Variants in KCNAB1 observed in about 807,000 individuals in gnomAD.
The protein encoded by KCNAB1 is potassium voltage-gated channel subfamily A regulatory beta subunit 1.
A neutral mutation model predicts 64.6 loss-of-function variants in KCNAB1; 35 were observed. That is an observed-to-expected ratio of 0.54 (90% CI 0.41 to 0.72). The LOEUF (loss-of-function observed/expected upper bound fraction) is 0.72, where lower values mean the gene tolerates loss of function less well. KCNAB1 is among the 30% of genes least tolerant of loss of function. The pLI, the probability that KCNAB1 is intolerant of heterozygous loss-of-function variation, is 0.00. For synonymous variants in KCNAB1, 177 were observed against 183.8 expected (o/e 0.96, Z 0.30); for missense variants, 401 against 512.9 (o/e 0.78, Z 2.11).
intron 1 of KCNAB1, among the ~76,000 whole-genome samples, chr3:156,240,175 G>A (rs1376687245): frequency 6.6e-6 from 1 of 152,210 alleles, no homozygotes; most frequent in African/African-American, 2.4e-5. Context: ...GGGTTAAGGA[G>A]TTACAGTCCA....
intron 2 of KCNAB1, among the ~76,000 whole-genome samples, chr3:156,433,626 G>A (rs768726501): frequency 2.6e-5 from 4 of 152,194 alleles, no homozygotes; most frequent in Non-Finnish European, 4.4e-5. Context: ...TGGCCCAGGG[G>A]AGGAAGTGAC....
chr3:156,275,813 C>A (rs1719306388), intron 1 of KCNAB1, among the ~76,000 whole-genome samples: 1 of 152,188 alleles, frequency 6.6e-6, no homozygotes, highest in Non-Finnish European at 1.5e-5. Context: ...TCTACTGTAT[C>A]TGTAGTTACT....
At chr3:156,430,802 T>G (rs1481323584) in intron 2 of KCNAB1, among the ~76,000 whole-genome samples, 1 of 152,162 alleles carries the variant, frequency 6.6e-6, no homozygotes, top group East Asian at 1.9e-4. Flanking sequence ...TGAGAATGGC[T>G]GCACCAAATG....
At chr3:156,314,893 A>T (rs1722173968) in intron 1 of KCNAB1, among the ~76,000 whole-genome samples, 1 of 152,182 alleles carries the variant, frequency 6.6e-6, no homozygotes, top group Non-Finnish European at 1.5e-5. Flanking sequence ...ACATGCCTGT[A>T]GTCCCAGCTA....
At position 156,367,670 on chromosome 3, in the gene KCNAB1, T is replaced by C. The variant is rs936522791; in HGVS notation, c.276-53946T>C. Among the ~76,000 whole-genome samples the C allele has an allele frequency of 2.0e-5, 3 of 152,362 alleles. No individual in the cohort carries two copies. The East Asian group carries it at 5.8e-4, about 29-fold the overall frequency. On this transcript the variant is annotated intron_variant, in intron 1 of 13. Transcript: ENST00000490337. ...TAACAAATTGCCAAATGGAAATGGC[T>C]ATAGCAGCAACATTGTGCAGGACTG...
intron 1 of KCNAB1, among the ~76,000 whole-genome samples, chr3:156,369,967 C>T (rs940404274): frequency 1.2e-4 from 18 of 152,168 alleles, no homozygotes; most frequent in African/African-American, 3.9e-4. Flanking sequence ...ATGTCATTAA[C>T]GTTGCTTCCA....
chr3:156,363,479 CTT>C (rs57981797), intron 1 of KCNAB1, among the ~76,000 whole-genome samples: 71 of 146,546 alleles, frequency 4.8e-4, no homozygotes, highest in African/African-American at 7.0e-4. Context: ...CTTTGGCAAT[CTT>C]TTTTTTTTTT....
intron 1 of KCNAB1, among the ~76,000 whole-genome samples, chr3:156,337,503 G>A (rs1478705744): frequency 6.6e-6 from 1 of 151,598 alleles, no homozygotes; most frequent in East Asian, 1.9e-4. Flanking sequence ...AGTTCACTTT[G>A]CCTAGAGGCA....
intron 1 of KCNAB1, among the ~76,000 whole-genome samples, chr3:156,285,163 T>C (rs750580854): frequency 6.6e-6 from 1 of 152,210 alleles, no homozygotes; most frequent in Non-Finnish European, 1.5e-5. Flanking sequence ...ATTAGTGATA[T>C]ATAAAATAAA....
intron 1 of KCNAB1, among the ~76,000 whole-genome samples, chr3:156,133,805 T>C (rs1365536231): frequency 6.6e-6 from 1 of 152,148 alleles, no homozygotes; most frequent in African/African-American, 2.4e-5. Flanking sequence ...TACACAAGAA[T>C]GCATGGGGGT....
At chr3:156,143,973 G>A (rs992611712) in intron 1 of KCNAB1, among the ~76,000 whole-genome samples, 2 of 151,200 alleles carry the variant, frequency 1.3e-5, no homozygotes, top group African/African-American at 4.9e-5. Context: ...TAAATTACTG[G>A]TTGTACACTA....
chr3:156,165,300 A>G (rs1435553488), intron 1 of KCNAB1, among the ~76,000 whole-genome samples: 2 of 151,070 alleles, frequency 1.3e-5, no homozygotes, highest in Non-Finnish European at 3.0e-5. Context: ...AAAAAAAAAA[A>G]AAAAAGAAAG....
At chr3:156,276,298 C>T (rs1169337854) in intron 1 of KCNAB1, among the ~76,000 whole-genome samples, 1 of 152,062 alleles carries the variant, frequency 6.6e-6, no homozygotes, top group African/African-American at 2.4e-5. Context: ...TGCTGTCATC[C>T]AGGCTTTGTT....
In KCNAB1 at chr3:156,516,349, C is replaced by T. The variant is rs762408280; in HGVS notation, c.945C>T (p.Ser315=). 3.7e-6 allele frequency: 6 copies of T among 1,611,562 alleles called. No individual in the cohort carries two copies. The highest frequency in any genetic ancestry group is 3.3e-5 in the South Asian group (3 of 91,028). The change falls in exon 11 of 14, where the codon TCC becomes TCT. Residue 315 remains serine (S), a synonymous_variant. Coordinates refer to ENST00000490337, the MANE Select transcript of KCNAB1 (RefSeq NM_172160.3). ...GKYGNGVPES[S]RASLKCYQWL... is the part of the protein sequence containing the mutation. ...ACGGAAACGGGGTGCCTGAAAGTTC[C>T]AGGGCTTCACTGAAGGTATTTTTCT...
At chr3:156,134,067 T>G (rs1714153855) in intron 1 of KCNAB1, among the ~76,000 whole-genome samples, 1 of 152,244 alleles carries the variant, frequency 6.6e-6, no homozygotes, top group African/African-American at 2.4e-5. Context: ...GTGATTTTTC[T>G]AATACCTGAA....
chr3:156,496,649 T>C (rs950496402), intron 8 of KCNAB1, among the ~76,000 whole-genome samples: 1 of 152,214 alleles, frequency 6.6e-6, no homozygotes, highest in Non-Finnish European at 1.5e-5. Context: ...AACTATCTAA[T>C]ACTACTTGTT....
chr3:156,144,897 A>G (rs1274917276), intron 1 of KCNAB1, among the ~76,000 whole-genome samples: 1 of 152,194 alleles, frequency 6.6e-6, no homozygotes, highest in Non-Finnish European at 1.5e-5. Flanking sequence ...TGTTCAGATG[A>G]AGGTATGTTC....
intron 1 of KCNAB1, among the ~76,000 whole-genome samples, chr3:156,395,551 A>T (rs1713389880): frequency 1.0e-5 from 1 of 99,748 alleles, no homozygotes; most frequent in Admixed American, 8.5e-5. Flanking sequence ...TCTCAAAAAA[A>T]AAAAAAAAAA....
chr3:156,340,127 G>A (rs1576746927), intron 1 of KCNAB1, among the ~76,000 whole-genome samples: 1 of 152,148 alleles, frequency 6.6e-6, no homozygotes. Flanking sequence ...GATCCACAGA[G>A]AATCATACAT....
Sources: gnomAD v4.1 joint callset for allele counts (sites outside exome capture counted in the v4.1 genomes callset) on GRCh38, gnomAD v4.1.1 for gene constraint, MANE v1.5 for transcripts, NCBI Gene and HGNC (gene_info 2026-07-23, HGNC 2026-07-21) for gene names.